Variants in ANKRD36C observed in about 807,000 individuals in gnomAD.
ANKRD36C encodes ankyrin repeat domain 36C.
ANKRD36C carries 61 observed loss-of-function variants against 276.4 expected under a neutral mutation model. The observed-to-expected ratio is 0.22, with a 90% confidence interval of 0.18 to 0.27. The LOEUF (loss-of-function observed/expected upper bound fraction) is 0.27. Among genes scored for constraint, ANKRD36C ranks in the 10% least tolerant of loss-of-function variants. ANKRD36C has a pLI of 1.00. For synonymous variants in ANKRD36C, 483 were observed against 680.1 expected (o/e 0.71, Z 4.51); for missense variants, 1,447 against 2,032.3 (o/e 0.71, Z 5.54).
At chr2:95,861,339 T>C (rs997170349) in intron 60 of ANKRD36C, among the ~76,000 whole-genome samples, 3 of 151,672 alleles carry the variant, frequency 2.0e-5, no homozygotes, top group Admixed American at 1.3e-4. Context: ...CAAGAAACTT[T>C]CAAGCAGTTA....
chr2:95,976,636 C>T lies in ANKRD36C; in HGVS notation c.799+1486G>A, dbSNP rs534398758. 1.4e-4 allele frequency among the ~76,000 whole-genome samples: 21 copies of T among 152,256 alleles called. 1 individual carries two copies. The South Asian group carries it at 3.5e-3, about 26-fold the overall frequency. ...AGACCATTTTCCCTGACCCTGTGCA[C>T]GTAGCTTCTGCAGTTACAAAAGGGT... On this transcript the variant is annotated intron_variant, in intron 6 of 66. Transcript: ENST00000456556.
intron 6 of ANKRD36C, among the ~76,000 whole-genome samples, chr2:95,964,402 C>T (rs1000276706): frequency 6.6e-6 from 1 of 151,800 alleles, no homozygotes; most frequent in Non-Finnish European, 1.5e-5. Flanking sequence ...TTTGTTCTGC[C>T]CAATTTGACA....
At chr2:95,989,459 A>C (rs1679094533) in intron 1 of ANKRD36C, among the ~76,000 whole-genome samples, 2 of 152,054 alleles carry the variant, frequency 1.3e-5, no homozygotes, top group Admixed American at 1.3e-4. Flanking sequence ...TTCAGAGTAC[A>C]TCTTCACACC....
At position 95,990,333 on chromosome 2, in the gene ANKRD36C, T is replaced by C. The variant is rs534764206; in HGVS notation, c.197+1179A>G. On this transcript the variant is annotated intron_variant, in intron 1 of 66. Transcript: ENST00000456556. ...TAGATTGGTGCAAAGGCAATTGCAG[T>C]TTTCGCCATTACTTGTAATTGCGGC... Among the ~76,000 whole-genome samples the C allele has an allele frequency of 2.5e-3, 375 of 152,358 alleles. 1 individual carries two copies. The highest frequency in any genetic ancestry group is 3.8e-3 in the Non-Finnish European group (261 of 68,036).
chr2:95,923,056 T>TTGC (rs1677313618), intron 32 of ANKRD36C, among the ~76,000 whole-genome samples: 1 of 151,612 alleles, frequency 6.6e-6, no homozygotes, highest in Admixed American at 6.6e-5. Context: ...AGGAAAATCA[T>TTGC]TGCTACATCA....
chr2:95,990,485 T>C (rs1679116047), intron 1 of ANKRD36C, among the ~76,000 whole-genome samples: 1 of 152,198 alleles, frequency 6.6e-6, no homozygotes, highest in Non-Finnish European at 1.5e-5. Flanking sequence ...TTGTGGAAAT[T>C]AACAGCACAT....
intron 3 of ANKRD36C, among the ~76,000 whole-genome samples, chr2:95,983,851 C>T (rs1181134624): frequency 6.6e-6 from 1 of 150,962 alleles, no homozygotes; most frequent in South Asian, 2.1e-4. Flanking sequence ...CTTCTGACCT[C>T]GTGATCTACC....
In ANKRD36C at chr2:95,923,826, G is replaced by T. The variant is rs1196504493; in HGVS notation, c.2042-137C>A. ...CTTTGATTTTTGTGTCTGGGGACTG[G>T]AACATGACAGAAATACACTGAAAAA... On this transcript the variant is annotated intron_variant, in intron 30 of 66. Transcript: ENST00000456556. 10 of 1,272,678 alleles carry T rather than the reference G, an allele frequency of 7.9e-6. No individual in the cohort carries two copies. The East Asian group carries it at 1.8e-4, about 23-fold the overall frequency. 78.8% of individuals were successfully genotyped at this position (1,272,678 alleles called of 1,614,324 possible).
At chr2:95,866,707 A>G (rs1351302751) in intron 60 of ANKRD36C, among the ~76,000 whole-genome samples, 1 of 152,114 alleles carries the variant, frequency 6.6e-6, no homozygotes, top group Non-Finnish European at 1.5e-5. Context: ...TATTTTGGAA[A>G]ACCATTTAGC....
chr2:95,889,767 G>A (rs1453345613), intron 48 of ANKRD36C, 32 bp downstream of exon 68: 23 of 1,557,906 alleles, frequency 1.5e-5, no homozygotes, highest in Non-Finnish European at 1.8e-5. Flanking sequence ...TATCTTGAAC[G>A]AACATCCTAT....
At chr2:95,855,922 G>A (rs754462142) in exon 63 of ANKRD36C, 8 of 1,613,572 alleles carry the variant, frequency 5.0e-6, no homozygotes, top group South Asian at 2.2e-5. Context: ...AGTTTAGAAC[G>A]GAGCGTTGTG....
chr2:95,990,366 G>T (rs1216118343), intron 1 of ANKRD36C, among the ~76,000 whole-genome samples: 1 of 152,148 alleles, frequency 6.6e-6, no homozygotes, highest in Non-Finnish European at 1.5e-5. Context: ...GGCAAAAACC[G>T]CAATTGCTTT....
At chr2:95,920,097 T>C (rs1322727059) in intron 34 of ANKRD36C, among the ~76,000 whole-genome samples, 177 bp from the exon 35 acceptor site, 1 of 132,262 alleles carries the variant, frequency 7.6e-6, no homozygotes, top group African/African-American at 2.6e-5. Context: ...TAAGAGGGAA[T>C]ACAGGCTCCA....
At chr2:95,890,602 T>A (rs1187236473) in intron 46 of ANKRD36C, among the ~76,000 whole-genome samples, 1 of 151,582 alleles carries the variant, frequency 6.6e-6, no homozygotes, top group East Asian at 1.9e-4. Flanking sequence ...CTAAGTTTCT[T>A]GCATACACTA....
chr2:95,927,120 A>C, intron 28 of ANKRD36C, 94 bp downstream of exon 28: 1 of 1,525,350 alleles, frequency 6.6e-7, no homozygotes. Context: ...CAGAATGTGC[A>C]GCTTCAATGA....
intron 59 of ANKRD36C, among the ~76,000 whole-genome samples, chr2:95,870,574 G>A (rs1487640106): frequency 6.6e-6 from 1 of 152,164 alleles, no homozygotes. Context: ...AAAAAACAGA[G>A]CAGAAAAACT....
chr2:95,883,020 C>T (rs1419962565), intron 54 of ANKRD36C, among the ~76,000 whole-genome samples: 1 of 152,090 alleles, frequency 6.6e-6, no homozygotes, highest in Admixed American at 6.6e-5. Context: ...AGTGTCGCAG[C>T]TTCATCAGCT....
chr2:95,958,227 A>C (rs1208245579), intron 12 of ANKRD36C, among the ~76,000 whole-genome samples: 1 of 151,846 alleles, frequency 6.6e-6, no homozygotes, highest in African/African-American at 2.4e-5. Flanking sequence ...CTCCGGTTTT[A>C]GCAATGTGAT....
chr2:95,971,021 A>G (rs1040670805), intron 6 of ANKRD36C, among the ~76,000 whole-genome samples: 1 of 152,156 alleles, frequency 6.6e-6, no homozygotes, highest in Admixed American at 6.6e-5. Context: ...ATAAACTAAA[A>G]GCAAAAAAGC....
Sources: gnomAD v4.1 joint callset for allele counts (sites outside exome capture counted in the v4.1 genomes callset) on GRCh38, gnomAD v4.1.1 for gene constraint, MANE v1.5 for transcripts, NCBI Gene and HGNC (gene_info 2026-07-23, HGNC 2026-07-21) for gene names.